The following CTNNA2 variants were observed in gnomAD, a reference collection of about 807,000 sequenced individuals.
CTNNA2 encodes the protein catenin alpha 2, also known as catenin alpha-2.
In CTNNA2, 42 loss-of-function variants were observed where a neutral mutation model predicts 101.0. The ratio of observed to expected loss-of-function variants is 0.42; its 90% CI spans 0.32 to 0.54. The LOEUF is 0.54. Ranked by LOEUF, CTNNA2 falls within the 20% of genes least tolerant of loss-of-function variation. CTNNA2 has a pLI of 0.14. For synonymous variants in CTNNA2, 450 were observed against 456.4 expected (o/e 0.99, Z 0.18); for missense variants, 871 against 1,223.1 (o/e 0.71, Z 4.29).
chr2:79,646,524 CTTTTTTT>C (rs67454188), intron 1 of CTNNA2, among the ~76,000 whole-genome samples: 2 of 106,140 alleles, frequency 1.9e-5, no homozygotes, highest in Non-Finnish European at 3.6e-5. Context: ...TTCTTTCTGT[CTTTTTTT>C]TTTTTTTTTT....
chr2:80,344,465 G>A (rs1177633690), intron 7 of CTNNA2, among the ~76,000 whole-genome samples: 1 of 152,124 alleles, frequency 6.6e-6, no homozygotes, highest in East Asian at 1.9e-4. Context: ...ACACATGAAT[G>A]TTTTATTGGT....
intron 1 of CTNNA2, among the ~76,000 whole-genome samples, chr2:79,632,074 A>G (rs887772707): frequency 3.9e-5 from 6 of 152,130 alleles, no homozygotes; most frequent in Non-Finnish European, 8.8e-5. Context: ...GTGGTTTTAG[A>G]TGTGTATCTT....
intron 1 of CTNNA2, among the ~76,000 whole-genome samples, chr2:79,575,135 G>T (rs1169641450): frequency 6.6e-6 from 1 of 152,156 alleles, no homozygotes; most frequent in Non-Finnish European, 1.5e-5. Flanking sequence ...CATGAATGCT[G>T]TTGGTGGGCT....
chr2:80,372,997 A>G (rs1675594974), intron 7 of CTNNA2, among the ~76,000 whole-genome samples: 1 of 152,332 alleles, frequency 6.6e-6, no homozygotes, highest in South Asian at 2.1e-4. Flanking sequence ...CAGAATGTCA[A>G]TAGTGCTGAC....
chr2:79,527,021 T>C (rs1672446057), intron 1 of CTNNA2, among the ~76,000 whole-genome samples: 1 of 151,994 alleles, frequency 6.6e-6, no homozygotes, highest in African/African-American at 2.4e-5. Flanking sequence ...TTTATCAAAA[T>C]TAAAAACTTT....
intron 7 of CTNNA2, among the ~76,000 whole-genome samples, chr2:80,048,312 A>G (rs1013052647): frequency 1.3e-5 from 2 of 152,216 alleles, no homozygotes; most frequent in African/African-American, 2.4e-5. Flanking sequence ...CTTAAGAGAA[A>G]GTGGAAGACT....
Position 80,249,979 on chromosome 2 carries a change from A to G in CTNNA2, c.1057-143232A>G, listed in dbSNP as rs117470941. On this transcript the variant is annotated intron_variant, in intron 7 of 18. Transcript: ENST00000402739. ...TGAAGCAATTTGCAACTTACATTTA[A>G]CTGATTATGAGTCGAAAGAATTGAA... Among the ~76,000 whole-genome samples the G allele has an allele frequency of 3.0e-4, 45 of 152,162 alleles. No homozygotes were observed. In the East Asian group the frequency reaches 7.5e-3, roughly 25 times the overall value.
chr2:79,407,706 A>G (rs2104487056), intron 4 of CTNNA2, among the ~76,000 whole-genome samples: 1 of 152,058 alleles, frequency 6.6e-6, no homozygotes, highest in East Asian at 1.9e-4. Flanking sequence ...TAGTCAATGA[A>G]TTTTCCAGGT....
chr2:80,416,147 A>G (rs768227472), intron 8 of CTNNA2, among the ~76,000 whole-genome samples: 7 of 152,096 alleles, frequency 4.6e-5, no homozygotes, highest in Non-Finnish European at 1.0e-4. Context: ...CACCATGATG[A>G]CTAGCAAAAA....
intron 7 of CTNNA2, among the ~76,000 whole-genome samples, chr2:80,021,024 C>T (rs1320258422): frequency 5.3e-5 from 5 of 94,738 alleles, no homozygotes; most frequent in Non-Finnish European, 7.4e-5. Flanking sequence ...TTTTTTGAGA[C>T]AAGTTCTGGC....
At chr2:79,493,551 G>T (rs1366601478) in intron 4 of CTNNA2, among the ~76,000 whole-genome samples, 1 of 152,144 alleles carries the variant, frequency 6.6e-6, no homozygotes, top group East Asian at 1.9e-4. Flanking sequence ...GGGAGGCGGA[G>T]GTTGCAGTGA....
At chr2:79,238,811 G>C (rs1434783090) in intron 2 of CTNNA2, among the ~76,000 whole-genome samples, 2 of 152,112 alleles carry the variant, frequency 1.3e-5, no homozygotes, top group Non-Finnish European at 2.9e-5. Context: ...AGGCAGGGTA[G>C]GTATTTCTGT....
intron 9 of CTNNA2, among the ~76,000 whole-genome samples, chr2:80,448,540 A>AGAT (rs1294141074): frequency 6.6e-6 from 1 of 152,150 alleles, no homozygotes; most frequent in Non-Finnish European, 1.5e-5. Context: ...TCACCCCTAG[A>AGAT]GATGCTCATT....
chr2:80,593,729 T>C (rs1402045893), intron 15 of CTNNA2, among the ~76,000 whole-genome samples: 3 of 152,202 alleles, frequency 2.0e-5, no homozygotes, highest in Non-Finnish European at 4.4e-5. Context: ...ACAATATTTG[T>C]CCTTTTGTGA....
intron 5 of CTNNA2, among the ~76,000 whole-genome samples, chr2:79,871,565 AC>A (rs1453841015): frequency 1.3e-5 from 2 of 152,074 alleles, no homozygotes; most frequent in African/African-American, 4.8e-5. Context: ...CCCTTCCTCC[AC>A]CTTTTTGTTC....
intron 4 of CTNNA2, among the ~76,000 whole-genome samples, chr2:79,413,976 C>T (rs555753311): frequency 1.5e-5 from 2 of 132,994 alleles, no homozygotes; most frequent in East Asian, 2.4e-4. Flanking sequence ...TATATATAAG[C>T]TTTTTAGTTT....
chr2:79,255,646 TA>T (rs1460297984), intron 2 of CTNNA2, among the ~76,000 whole-genome samples: 1 of 152,154 alleles, frequency 6.6e-6, no homozygotes, highest in Admixed American at 6.6e-5. Flanking sequence ...GTGGAAAGGC[TA>T]AATGGCAGAG....
intron 3 of CTNNA2, among the ~76,000 whole-genome samples, chr2:79,846,491 G>C (rs192392052): frequency 6.6e-6 from 1 of 152,160 alleles, no homozygotes; most frequent in Non-Finnish European, 1.5e-5. Context: ...TGGAGATGCC[G>C]TAATGACTTA....
At chr2:79,249,621 C>G (rs1340740848) in intron 2 of CTNNA2, among the ~76,000 whole-genome samples, 4 of 152,196 alleles carry the variant, frequency 2.6e-5, no homozygotes, top group African/African-American at 9.7e-5. Context: ...TGACCCTAAA[C>G]CAATTATTAA....
Sources: gnomAD v4.1 joint callset for allele counts (sites outside exome capture counted in the v4.1 genomes callset) on GRCh38, gnomAD v4.1.1 for gene constraint, MANE v1.5 for transcripts, NCBI Gene and HGNC (gene_info 2026-07-23, HGNC 2026-07-21) for gene names.